Variants in EPHA6 observed in about 807,000 individuals in gnomAD.
EPHA6 encodes ephrin type-A receptor 6.
A neutral mutation model predicts 112.0 loss-of-function variants in EPHA6; 50 were observed. The ratio of observed to expected loss-of-function variants is 0.45; its 90% CI spans 0.36 to 0.56. EPHA6 has a LOEUF of 0.56. Ranked by LOEUF, EPHA6 falls within the 20% of genes least tolerant of loss-of-function variation. The pLI, the probability that EPHA6 is intolerant of heterozygous loss-of-function variation, is 0.00. For missense variants in EPHA6, 1,280 were observed against 1,417.4 expected (o/e 0.90, Z 1.56); for synonymous variants, 529 against 490.7 (o/e 1.08, Z -1.03).
Position 97,696,530 on chromosome 3 carries a change from T to C in EPHA6, c.2785-23731T>C, listed in dbSNP as rs534568164. The stretch of plus-strand genomic sequence containing the variant: ...CTGTATTGGCACCAACTTACCCTAA[T>C]AGGCATCTTATACTTTTGGACAAAA... On this transcript the variant is annotated intron_variant, in intron 14 of 17. Coordinates refer to ENST00000389672, the MANE Select transcript of EPHA6 (RefSeq NM_001080448.3). 2.0e-5 allele frequency among the ~76,000 whole-genome samples: 3 copies of C among 152,292 alleles called. No individual in the cohort carries two copies. In the East Asian group the frequency reaches 5.8e-4, roughly 29 times the overall value.
chr3:97,113,137 C>T (rs2047774648), intron 3 of EPHA6, among the ~76,000 whole-genome samples: 1 of 152,066 alleles, frequency 6.6e-6, no homozygotes, highest in Non-Finnish European at 1.5e-5. Flanking sequence ...AATCATTTCC[C>T]CGACTGGTCA....
chr3:97,443,157 G>A (rs1231020754), intron 6 of EPHA6, among the ~76,000 whole-genome samples: 1 of 152,072 alleles, frequency 6.6e-6, no homozygotes, highest in Non-Finnish European at 1.5e-5. Context: ...GAATGTGAGT[G>A]TGTACATTTG....
chr3:97,595,752 AAGG>A (rs2093583537), intron 12 of EPHA6, among the ~76,000 whole-genome samples: 2 of 151,954 alleles, frequency 1.3e-5, no homozygotes, highest in Admixed American at 1.3e-4. Context: ...GAGAATGGGG[AAGG>A]AGAAGAGAAA....
At chr3:97,270,319 T>C (rs1480077936) in intron 5 of EPHA6, among the ~76,000 whole-genome samples, 4 of 152,182 alleles carry the variant, frequency 2.6e-5, no homozygotes, top group South Asian at 2.1e-4. Context: ...TCCAATAATA[T>C]GTTGGTAAAG....
chr3:97,241,806 A>G (rs1559821654), intron 4 of EPHA6, among the ~76,000 whole-genome samples: 2 of 137,616 alleles, frequency 1.5e-5, no homozygotes, highest in East Asian at 2.1e-4. Flanking sequence ...GGACAGTTAT[A>G]TACTTATAGA....
intron 3 of EPHA6, among the ~76,000 whole-genome samples, chr3:97,222,002 T>C (rs2078217511): frequency 6.7e-6 from 1 of 148,832 alleles, no homozygotes; most frequent in East Asian, 2.0e-4. Flanking sequence ...CACTCCAGCC[T>C]GGACAACAGA....
chr3:97,594,943 T>G, intron 12 of EPHA6, among the ~76,000 whole-genome samples: 1 of 152,196 alleles, frequency 6.6e-6, no homozygotes, highest in Non-Finnish European at 1.5e-5. Flanking sequence ...TCTGTATCAG[T>G]CAAGAAATTT....
intron 2 of EPHA6, among the ~76,000 whole-genome samples, chr3:96,877,959 A>G (rs1004003731): frequency 1.3e-5 from 2 of 150,180 alleles, no homozygotes; most frequent in African/African-American, 4.9e-5. Context: ...ATGTTCATGC[A>G]TCCTAAAGGC....
intron 3 of EPHA6, among the ~76,000 whole-genome samples, chr3:97,161,462 C>A (rs1311468621): frequency 6.6e-6 from 1 of 152,146 alleles, no homozygotes; most frequent in Non-Finnish European, 1.5e-5. Context: ...GCAGCTTGCA[C>A]AGCAATCTGG....
intron 5 of EPHA6, among the ~76,000 whole-genome samples, chr3:97,290,588 A>G (rs779042343): frequency 1.9e-4 from 29 of 152,076 alleles, no homozygotes; most frequent in African/African-American, 6.5e-4. Flanking sequence ...TAGATTTTCT[A>G]TTTCTTTCTA....
chr3:97,265,247 G>A (rs1047147212), intron 5 of EPHA6, among the ~76,000 whole-genome samples: 2 of 152,144 alleles, frequency 1.3e-5, no homozygotes, highest in Non-Finnish European at 2.9e-5. Context: ...CCTGAAGGTG[G>A]AGCCTCACTG....
intron 7 of EPHA6, among the ~76,000 whole-genome samples, chr3:97,472,438 A>G (rs923199100): frequency 1.3e-5 from 2 of 151,712 alleles, no homozygotes; most frequent in Admixed American, 6.6e-5. Flanking sequence ...GGCTCATTCA[A>G]GGACTTGGAA....
chr3:96,872,169 A>C (rs1237868313), intron 2 of EPHA6, among the ~76,000 whole-genome samples: 1 of 152,152 alleles, frequency 6.6e-6, no homozygotes, highest in Non-Finnish European at 1.5e-5. Context: ...GAAGATGGTC[A>C]TGTTAAGTAC....
chr3:97,556,361 G>A (rs1004294062), intron 11 of EPHA6, among the ~76,000 whole-genome samples: 4 of 152,040 alleles, frequency 2.6e-5, no homozygotes, highest in Admixed American at 2.0e-4. Flanking sequence ...ACCTGAGACT[G>A]GGTAATTTAC....
chr3:97,549,337 A>G (rs2092998765), intron 11 of EPHA6, among the ~76,000 whole-genome samples: 1 of 152,180 alleles, frequency 6.6e-6, no homozygotes, highest in Admixed American at 6.6e-5. Flanking sequence ...AAGAGGCTAC[A>G]TTAAGTGATT....
chr3:96,853,244 A>AT (rs2035501200), intron 1 of EPHA6, among the ~76,000 whole-genome samples: 1 of 152,130 alleles, frequency 6.6e-6, no homozygotes, highest in Non-Finnish European at 1.5e-5. Flanking sequence ...CTAGTATCTA[A>AT]TAGAACAGAA....
chr3:96,984,037 C>A (rs1030086922), intron 2 of EPHA6, among the ~76,000 whole-genome samples: 1 of 152,152 alleles, frequency 6.6e-6, no homozygotes, highest in African/African-American at 2.4e-5. Context: ...TTATCTGAAG[C>A]CTTCTTCTCT....
chr3:97,327,149 G>A (rs1041475605), intron 5 of EPHA6, among the ~76,000 whole-genome samples: 1 of 151,992 alleles, frequency 6.6e-6, no homozygotes, highest in African/African-American at 2.4e-5. Flanking sequence ...AATGTTTACT[G>A]CTGAAAGTGA....
chr3:96,936,076 C>T (rs1252237186), intron 2 of EPHA6, among the ~76,000 whole-genome samples: 1 of 152,004 alleles, frequency 6.6e-6, no homozygotes. Flanking sequence ...GACCACCTCA[C>T]CAGAACCTGA....
Sources: gnomAD v4.1 joint callset for allele counts (sites outside exome capture counted in the v4.1 genomes callset) on GRCh38, gnomAD v4.1.1 for gene constraint, MANE v1.5 for transcripts, NCBI Gene and HGNC (gene_info 2026-07-23, HGNC 2026-07-21) for gene names.